The following TMEM116 variants were observed in gnomAD, a reference collection of about 807,000 sequenced individuals.
The protein encoded by TMEM116 is transmembrane protein 116.
In TMEM116, 38 loss-of-function variants were observed where a neutral mutation model predicts 44.3. The observed-to-expected ratio is 0.86, with a 90% CI of 0.66 to 1.12. The LOEUF (loss-of-function observed/expected upper bound fraction) is 1.12, where lower values mean the gene tolerates loss of function less well. TMEM116 is among the 50% of genes most tolerant of loss of function. TMEM116 has a pLI of 0.00. For missense variants in TMEM116, 354 were observed against 401.7 expected, an observed-to-expected ratio of 0.88 and a Z score of 1.01; for synonymous variants, 132 against 144.8, an observed-to-expected ratio of 0.91 and a Z score of 0.64.
At chr12:111,988,973 T>G (rs887031224) in intron 4 of TMEM116, among the ~76,000 whole-genome samples, 2 of 152,006 alleles carry the variant, frequency 1.3e-5, no homozygotes, top group Non-Finnish European at 2.9e-5. Flanking sequence ...GCCTGGGCAA[T>G]AGTGTGAGAC....
rs952303692 is a variant in TMEM116, at chr12:112,013,123, T to C, written c.-155A>G. 6.9e-6 allele frequency: 2 copies of C among 289,846 alleles called. No individual in the cohort carries two copies. Among genetic ancestry groups the C allele is most frequent in the Non-Finnish European group, 1.3e-5 (2 of 154,118 alleles). The allele number at this position is 289,846 out of a possible 1,614,324, so 18.0% of individuals were successfully genotyped here. A position where few individuals can be genotyped will look rare whatever the true frequency, so the allele number is the denominator to read the frequency against. Reference sequence around the variant, plus strand: ...CAAACGAATTGCTATAGCGTCCCCATGCGCACTTGGCGCTTCTCCTCAAGC... The same window carrying C: ...CAAACGAATTGCTATAGCGTCCCCACGCGCACTTGGCGCTTCTCCTCAAGC... On this transcript the variant is annotated 5_prime_UTR_variant, in exon 1 of 11. The change abolishes an upstream ATG in the 5' untranslated region. Transcript: ENST00000552374.
chr12:112,005,200 C>G, intron 2 of TMEM116, 57 bp downstream of exon 2: 1 of 1,222,740 alleles, frequency 8.2e-7, no homozygotes, highest in Non-Finnish European at 1.1e-6. Context: ...TGGAAAACTA[C>G]AGAATTGACG....
chr12:111,999,643 T>C (rs1320805439), intron 3 of TMEM116, among the ~76,000 whole-genome samples: 1 of 151,962 alleles, frequency 6.6e-6, no homozygotes, highest in Admixed American at 6.6e-5. Flanking sequence ...TATACACATG[T>C]ATATAGTAAC....
intron 4 of TMEM116, among the ~76,000 whole-genome samples, chr12:111,970,586 GTTTTTT>G: frequency 7.5e-6 from 1 of 133,474 alleles, no homozygotes; most frequent in South Asian, 2.4e-4. Flanking sequence ...AATCAAATGG[GTTTTTT>G]TTTTTTTTTT....
chr12:111,954,454 GAAC>G (rs2073949034), intron 4 of TMEM116, among the ~76,000 whole-genome samples: 1 of 152,120 alleles, frequency 6.6e-6, no homozygotes, highest in East Asian at 1.9e-4. Context: ...AAAATAAACA[GAAC>G]AATAATAGTT....
At chr12:112,008,171 A>G (rs1206974662) in intron 1 of TMEM116, among the ~76,000 whole-genome samples, 1 of 152,074 alleles carries the variant, frequency 6.6e-6, no homozygotes, top group African/African-American at 2.4e-5. Context: ...TGAGCGACAG[A>G]GTGAAACCCT....
At chr12:112,007,775 C>T (rs376871329) in intron 1 of TMEM116, among the ~76,000 whole-genome samples, 3 of 152,196 alleles carry the variant, frequency 2.0e-5, no homozygotes, top group South Asian at 2.1e-4. Flanking sequence ...GTCTGCTGCT[C>T]TTGCTAGGAT....
At chr12:111,954,144 T>TA (rs1217635297) in intron 4 of TMEM116, among the ~76,000 whole-genome samples, 44 of 152,174 alleles carry the variant, frequency 2.9e-4, no homozygotes, top group Admixed American at 2.7e-3. Context: ...TAGAAGATCC[T>TA]AAAAAATCAC....
At chr12:111,986,581 G>A (rs1417901922) in intron 4 of TMEM116, among the ~76,000 whole-genome samples, 1 of 151,872 alleles carries the variant, frequency 6.6e-6, no homozygotes, top group South Asian at 2.1e-4. Flanking sequence ...AGTCTAAGGC[G>A]GGAGGACTGC....
At chr12:111,997,275 C>T (rs1042045828) in intron 3 of TMEM116, among the ~76,000 whole-genome samples, 1 of 152,138 alleles carries the variant, frequency 6.6e-6, no homozygotes, top group African/African-American at 2.4e-5. Context: ...AAGTCCTGGC[C>T]AAGCACTGTG....
intron 4 of TMEM116, among the ~76,000 whole-genome samples, chr12:111,950,618 T>C (rs1012689632): frequency 6.6e-6 from 1 of 152,140 alleles, no homozygotes; most frequent in Non-Finnish European, 1.5e-5. Context: ...CTGGGATAAC[T>C]GGCTAGCCAT....
intron 5 of TMEM116, among the ~76,000 whole-genome samples, chr12:111,940,542 TATAC>T (rs749956401): frequency 0.078 from 8,026 of 103,478 alleles, 330 homozygotes; most frequent in Middle Eastern, 0.15. Flanking sequence ...TATATATATA[TATAC>T]ACACACACAT....
intron 4 of TMEM116, among the ~76,000 whole-genome samples, chr12:111,962,254 A>G (rs1163780102): frequency 6.6e-6 from 1 of 152,188 alleles, no homozygotes; most frequent in Non-Finnish European, 1.5e-5. Flanking sequence ...AAGTAATTAT[A>G]GATTCAATGC....
intron 4 of TMEM116, among the ~76,000 whole-genome samples, chr12:111,950,456 C>G (rs1377610851): frequency 7.3e-6 from 1 of 137,456 alleles, no homozygotes; most frequent in East Asian, 2.1e-4. Context: ...GATAACTTGA[C>G]AAGATCTGAT....
intron 4 of TMEM116, among the ~76,000 whole-genome samples, chr12:111,966,350 G>A (rs2074985503): frequency 6.6e-6 from 1 of 152,126 alleles, no homozygotes; most frequent in South Asian, 2.1e-4. Flanking sequence ...CAGACTTAAG[G>A]TGATCTCGTC....
intron 6 of TMEM116, 140 bp downstream of exon 6, chr12:111,938,021 G>T: frequency 2.1e-6 from 1 of 467,138 alleles, no homozygotes; most frequent in Non-Finnish European, 3.9e-6. Flanking sequence ...CAATGAACAC[G>T]TATTTGTTGT....
chr12:111,950,900 A>C (rs903221762), intron 4 of TMEM116, among the ~76,000 whole-genome samples: 1 of 152,222 alleles, frequency 6.6e-6, no homozygotes, highest in African/African-American at 2.4e-5. Context: ...CAGACAACCT[A>C]CAGAAAGAAA....
intron 1 of TMEM116, among the ~76,000 whole-genome samples, chr12:112,006,663 G>A (rs2077599101): frequency 6.6e-6 from 1 of 152,154 alleles, no homozygotes; most frequent in Non-Finnish European, 1.5e-5. Flanking sequence ...AAAATGGCCT[G>A]AATACCAAAA....
At chr12:111,974,687 A>G (rs1470544477) in intron 4 of TMEM116, among the ~76,000 whole-genome samples, 2 of 151,602 alleles carry the variant, frequency 1.3e-5, no homozygotes, top group African/African-American at 4.8e-5. Flanking sequence ...AAGAAATAAA[A>G]GGCATCCAGA....
Sources: allele counts gnomAD v4.1 joint callset (sites outside exome capture counted in the v4.1 genomes callset), GRCh38; gene constraint gnomAD v4.1.1; transcripts MANE v1.5; gene names NCBI Gene and HGNC (gene_info 2026-07-23, HGNC 2026-07-21).